HEBP1: variants seen among roughly 807,000 people sequenced by gnomAD.
The protein encoded by HEBP1 is heme binding protein 1, also known as heme-binding protein 1.
Under a neutral mutation model 20.4 loss-of-function variants are expected in HEBP1, and 13 were observed. The observed-to-expected ratio is 0.64, with a 90% CI of 0.42 to 1.01. The LOEUF (loss-of-function observed/expected upper bound fraction) is 1.01. HEBP1 is among the 50% of genes least tolerant of loss of function. HEBP1 has a pLI of 0.00. For synonymous variants in HEBP1, 92 were observed against 90.7 expected (o/e 1.01, Z -0.08); for missense variants, 241 against 247.3 (o/e 0.97, Z 0.17).
intron 1 of HEBP1, among the ~76,000 whole-genome samples, chr12:12,992,931 T>C (rs992495184): frequency 5.9e-5 from 9 of 152,152 alleles, no homozygotes; most frequent in Non-Finnish European, 1.2e-4. Context: ...ACTAAGTTGC[T>C]CAAAGTGATG....
intron 3 of HEBP1, among the ~76,000 whole-genome samples, chr12:12,981,304 G>A (rs985097350): frequency 6.6e-6 from 1 of 152,200 alleles, no homozygotes; most frequent in African/African-American, 2.4e-5. Context: ...GATACTTGAG[G>A]TGGTGATGCC....
chr12:13,000,220 G>GGCAGGGCGGCAGGGCA lies in HEBP1; in HGVS notation c.-107_-106insTGCCCTGCCGCCCTGC. ...CGGCAGGGCGGCAGGGCGGCAGGGC[G>GGCAGGGCGGCAGGGCA]GCAGGGCGGCAGGGTGGCAGGGCGG... On this transcript the variant is annotated 5_prime_UTR_variant, in exon 1 of 4. Transcript: ENST00000014930. 2.5e-6 allele frequency: 1 copy of GGCAGGGCGGCAGGGCA among 397,930 alleles called. No homozygotes were observed. Among genetic ancestry groups the GGCAGGGCGGCAGGGCA allele is most frequent in the Non-Finnish European group, 4.5e-6 (1 of 222,714 alleles). The allele number at this position is 397,930 out of a possible 1,614,324, so 24.6% of individuals were successfully genotyped here.
In HEBP1 at chr12:12,998,921, T is replaced by TCTC. The variant is rs1220378068; in HGVS notation, c.78+1115_78+1116insGAG. Among the ~76,000 whole-genome samples, 1 of 152,330 alleles carries TCTC rather than the reference T, an allele frequency of 6.6e-6. No homozygotes were observed. Among genetic ancestry groups the TCTC allele is most frequent in the East Asian group, 1.9e-4 (1 of 5,178 alleles). On this transcript the variant is annotated intron_variant, in intron 1 of 3. Coordinates refer to ENST00000014930, the MANE Select transcript of HEBP1 (RefSeq NM_015987.5). The surrounding 1 kb of genome is among the most constrained non-coding windows in gnomAD (Gnocchi z 4.2). ...TGCTCTTCTCACTCATTCTGTATTC[T>TCTC]AGGTACCCAACTCCAGAGGATCTAA...
At chr12:12,983,376 C>T (rs555642685) in intron 3 of HEBP1, 4 of 211,942 alleles carry the variant, frequency 1.9e-5, no homozygotes, top group Non-Finnish European at 3.9e-5. Context: ...CGGTAATTAA[C>T]GATGCTAATA....
intron 1 of HEBP1, among the ~76,000 whole-genome samples, chr12:12,991,665 A>G (rs1864227372): frequency 6.6e-6 from 1 of 152,250 alleles, no homozygotes; most frequent in Non-Finnish European, 1.5e-5. Flanking sequence ...ACAATCCACA[A>G]GAAGGAAAGC....
At chr12:12,993,119 G>A (rs904429009) in intron 1 of HEBP1, among the ~76,000 whole-genome samples, 9 of 139,874 alleles carry the variant, frequency 6.4e-5, no homozygotes, top group Non-Finnish European at 1.2e-4. Flanking sequence ...TTTTTCTTTC[G>A]TTTCCCCCTC....
intron 3 of HEBP1, chr12:12,980,636 G>A (rs1309073612): frequency 6.6e-6 from 1 of 152,338 alleles, no homozygotes. Flanking sequence ...AGAGGAGCTG[G>A]GGACATATGA....
In HEBP1 at chr12:12,998,430, G is replaced by A. The variant is rs541069249; in HGVS notation, c.78+1607C>T. ...ATAGCAACAAGTGGCTGGAACTGCC[G>A]TTTAGAGATGGGGACCTGAGTTCAC... On this transcript the variant is annotated intron_variant, in intron 1 of 3. Transcript: ENST00000014930. The surrounding 1 kb of genome is among the most constrained non-coding windows in gnomAD (Gnocchi z 4.2). Among the ~76,000 whole-genome samples the A allele has an allele frequency of 4.6e-5, 7 of 152,274 alleles. No homozygotes were observed. The highest frequency in any genetic ancestry group is 7.4e-5 in the Non-Finnish European group (5 of 68,016).
Position 12,975,406 on chromosome 12 carries a change from T to G in HEBP1, c.472A>C (p.Thr158Pro). The G allele has an allele frequency of 6.2e-7, 1 of 1,613,802 alleles. No homozygotes were observed. Among genetic ancestry groups the G allele is most frequent in the East Asian group, 2.2e-5 (1 of 44,816 alleles). The change falls in exon 4 of 4, where the codon ACA becomes CCA. Residue 158 changes from threonine to proline, a missense_variant. Coordinates refer to ENST00000014930, the MANE Select transcript of HEBP1 (RefSeq NM_015987.5). Reference sequence around the variant, plus strand: ...TAGATGTCCCCCCGGTAGGTGGCTGTGCCCTCCAGGGCAGCACGCAGACGG... The same window carrying G: ...TAGATGTCCCCCCGGTAGGTGGCTGGGCCCTCCAGGGCAGCACGCAGACGG... ...ATRLRAALEG[T>P]ATYRGDIYFC...
At position 12,996,547 on chromosome 12, in the gene HEBP1, C is replaced by A. The variant is rs1864292501; in HGVS notation, c.78+3490G>T. On this transcript the variant is annotated intron_variant, in intron 1 of 3. Transcript: ENST00000014930. This position sits in a 1 kb window ranked among gnomAD's most constrained non-coding sequence, Gnocchi z 4.1. ...GGGAATATGGTATGCCATCATTTGCCCAGGAGAGTGGACAATAGTTTCTGA... is the reference window on the plus strand; with the variant it reads ...GGGAATATGGTATGCCATCATTTGCACAGGAGAGTGGACAATAGTTTCTGA... Among the ~76,000 whole-genome samples, 1 of 152,002 alleles carries A rather than the reference C, an allele frequency of 6.6e-6. No homozygotes were observed. Among genetic ancestry groups the A allele is most frequent in the Non-Finnish European group, 1.5e-5 (1 of 68,010 alleles).
rs750958688 is a variant in HEBP1 at position 12,989,329 on chromosome 12, T to C, written c.165A>G (p.Leu55=). 3.1e-6 allele frequency: 5 copies of C among 1,614,096 alleles called. No individual in the cohort carries two copies. In the African/African-American group the frequency reaches 6.7e-5, roughly 22 times the overall value. Residue 55 remains leucine, a synonymous_variant, in exon 2 of 4, where the codon CTA becomes CTG. Transcript: ENST00000014930. Reference sequence around the variant, plus strand: ...TTGCGACCTTGGGCATTGCTTCCCGTAGAGCCTCATCCACAGGCTTATCTG... The same window carrying C: ...TTGCGACCTTGGGCATTGCTTCCCGCAGAGCCTCATCCACAGGCTTATCTG... ...EVTDKPVDEA[L]REAMPKVAKY...
chr12:12,995,769 C>T (rs1301759478), intron 1 of HEBP1, among the ~76,000 whole-genome samples: 3 of 152,174 alleles, frequency 2.0e-5, no homozygotes, highest in African/African-American at 7.2e-5. Flanking sequence ...AATTTAACAT[C>T]TTTAGTGCAT....
chr12:12,991,518 G>T (rs1184250290), intron 1 of HEBP1, among the ~76,000 whole-genome samples: 2 of 151,954 alleles, frequency 1.3e-5, no homozygotes, highest in African/African-American at 4.8e-5. Flanking sequence ...CCTTTCCCTG[G>T]TGTTTACTCA....
intron 1 of HEBP1, among the ~76,000 whole-genome samples, chr12:12,993,696 G>A (rs1864257062): frequency 6.6e-6 from 1 of 152,164 alleles, no homozygotes; most frequent in Non-Finnish European, 1.5e-5. Context: ...TCTCACTGGA[G>A]AAAGAGCTAA....
intron 3 of HEBP1, chr12:12,979,413 C>T (rs1864045362): frequency 6.5e-6 from 1 of 152,704 alleles, no homozygotes; most frequent in African/African-American, 2.4e-5. Context: ...TAACCAACCA[C>T]ACTGACTCCC....
Position 12,998,052 on chromosome 12 carries a change from T to C in HEBP1, c.78+1985A>G, listed in dbSNP as rs760261755. Reference sequence around the variant, plus strand: ...CTGATATTAATAACTGGCATCCTTATTGCATTTGTGTCCAGCCTATGCACA... The same window carrying C: ...CTGATATTAATAACTGGCATCCTTACTGCATTTGTGTCCAGCCTATGCACA... On this transcript the variant is annotated intron_variant, in intron 1 of 3. Transcript: ENST00000014930. This position sits in a 1 kb window ranked among gnomAD's most constrained non-coding sequence, Gnocchi z 4.2. 1.3e-5 allele frequency among the ~76,000 whole-genome samples: 2 copies of C among 152,126 alleles called. No homozygotes were observed. Among genetic ancestry groups the C allele is most frequent in the Non-Finnish European group, 2.9e-5 (2 of 68,034 alleles).
intron 1 of HEBP1, among the ~76,000 whole-genome samples, chr12:12,994,560 A>G (rs575413698): frequency 6.6e-4 from 101 of 152,276 alleles, no homozygotes; most frequent in Middle Eastern, 6.8e-3. Flanking sequence ...AAAGGCTGCC[A>G]AGAAGGGACT....
intron 3 of HEBP1, among the ~76,000 whole-genome samples, chr12:12,975,844 C>G (rs924383792): frequency 1.3e-5 from 2 of 152,086 alleles, no homozygotes; most frequent in Non-Finnish European, 2.9e-5. Context: ...AGCCTTCACC[C>G]TTTTCTCTGG....
At chr12:12,989,438 G>A (rs376480527) in intron 1 of HEBP1, 23 bp from the exon 2 acceptor site, 3 of 1,613,090 alleles carry the variant, frequency 1.9e-6, no homozygotes, top group African/African-American at 1.3e-5. Context: ...AAGGTACAGT[G>A]TTTAAGAGGT....
Sources: gnomAD v4.1 joint callset for allele counts (sites outside exome capture counted in the v4.1 genomes callset) on GRCh38, gnomAD v4.1.1 for gene constraint, Gnocchi (gnomAD v3.1) non-coding constraint, MANE v1.5 for transcripts, NCBI Gene and HGNC (gene_info 2026-07-23, HGNC 2026-07-21) for gene names.